Variants in GARRE1 observed in about 807,000 individuals in gnomAD.
GARRE1 encodes the protein granule associated Rac and RHOG effector 1.
Under a neutral mutation model 103.2 loss-of-function variants are expected in GARRE1, and 49 were observed. The observed-to-expected ratio is 0.47, with a 90% CI of 0.38 to 0.60. The LOEUF is 0.60. Among genes scored for constraint, GARRE1 ranks in the 20% least tolerant of loss-of-function variants. The pLI is 0.00. For synonymous variants in GARRE1, 505 were observed against 532.8 expected (o/e 0.95, Z 0.72); for missense variants, 1,199 against 1,370.5 (o/e 0.87, Z 1.98).
chr19:34,267,325 A>C (rs2073758547), intron 1 of GARRE1, among the ~76,000 whole-genome samples: 1 of 152,168 alleles, frequency 6.6e-6, no homozygotes. Flanking sequence ...CAGCCTCCCA[A>C]GTAGCTGGGA....
chr19:34,349,190 G>C lies in GARRE1; in HGVS notation c.2825+37G>C, dbSNP rs1433558898. 3 of 1,605,980 alleles carry C rather than the reference G, an allele frequency of 1.9e-6. No individual in the cohort carries two copies. In the East Asian group the frequency reaches 6.7e-5, roughly 36 times the overall value. ...TTTCTAAACCAAGGTGGGGAGAGAAGGGCATGTGAATGCAACCCATGGCTC... is the reference window on the plus strand; with the variant it reads ...TTTCTAAACCAAGGTGGGGAGAGAACGGCATGTGAATGCAACCCATGGCTC... On this transcript the variant is annotated intron_variant, in intron 12 of 13. Coordinates refer to ENST00000299505, the MANE Select transcript of GARRE1 (RefSeq NM_014686.5).
At chr19:34,330,473 T>A (rs1266239508) in intron 7 of GARRE1, 126 bp downstream of exon 7, 3 of 940,882 alleles carry the variant, frequency 3.2e-6, no homozygotes, top group East Asian at 2.7e-5. Flanking sequence ...CTGTGGAATT[T>A]AGACCAGGCA....
At chr19:34,345,574 C>T (rs1599782861) in intron 10 of GARRE1, among the ~76,000 whole-genome samples, 1 of 152,196 alleles carries the variant, frequency 6.6e-6, no homozygotes, top group African/African-American at 2.4e-5. Flanking sequence ...AGTCTCAGCA[C>T]TTTGAGAGGC....
At chr19:34,295,720 G>A (rs1377837651) in intron 1 of GARRE1, among the ~76,000 whole-genome samples, 1 of 152,000 alleles carries the variant, frequency 6.6e-6, no homozygotes. Flanking sequence ...TTGTAGAGAT[G>A]GGGTCTTGCT....
chr19:34,325,327 TC>T (rs1282369664), intron 3 of GARRE1, among the ~76,000 whole-genome samples: 2 of 152,146 alleles, frequency 1.3e-5, no homozygotes, highest in Non-Finnish European at 2.9e-5. Flanking sequence ...GCAGCCCACT[TC>T]CTGTGGGCTT....
At position 34,341,987 on chromosome 19, in the gene GARRE1, G is replaced by A; in HGVS notation, c.2053G>A (p.Gly685Arg). Residue 685 changes from glycine (G) to arginine (R), a missense_variant, in exon 10 of 14, where the codon GGA becomes AGA. Transcript: ENST00000299505. ...AGCCATGGTGACTGAGCAGAAGGCA[G>A]GAGCCATGCAACCACAGCAGCCGTC... ...ATAMVTEQKA[G>R]AMQPQQPSLP... 1 of 1,614,190 alleles carries A rather than the reference G, an allele frequency of 6.2e-7. No homozygotes were observed. The highest frequency in any genetic ancestry group is 1.1e-5 in the South Asian group (1 of 91,078).
chr19:34,342,002 C>A lies in GARRE1; in HGVS notation c.2068C>A (p.Gln690Lys). 1 of 1,614,134 alleles carries A rather than the reference C, an allele frequency of 6.2e-7. No individual in the cohort carries two copies. The highest frequency in any genetic ancestry group is 8.5e-7 in the Non-Finnish European group (1 of 1,180,012). Residue 690 changes from glutamine (Q) to lysine (K), a missense_variant, in exon 10 of 14, where the codon CAG becomes AAG. Coordinates refer to ENST00000299505, the MANE Select transcript of GARRE1 (RefSeq NM_014686.5). Reference sequence around the variant, plus strand: ...GCAGAAGGCAGGAGCCATGCAACCACAGCAGCCGTCACTGCCTGTGCCCCC... The same window carrying A: ...GCAGAAGGCAGGAGCCATGCAACCAAAGCAGCCGTCACTGCCTGTGCCCCC... The part of the protein sequence containing the change: ...TEQKAGAMQP[Q>K]QPSLPVPPPP...
chr19:34,315,461 C>T (rs1426926829), intron 2 of GARRE1, among the ~76,000 whole-genome samples: 5 of 152,096 alleles, frequency 3.3e-5, no homozygotes, highest in Non-Finnish European at 5.9e-5. Context: ...CCTGTAATCC[C>T]AGCACTTTGG....
chr19:34,287,952 C>CACAAT (rs2073896681), intron 1 of GARRE1, among the ~76,000 whole-genome samples: 1 of 152,166 alleles, frequency 6.6e-6, no homozygotes, highest in South Asian at 2.1e-4. Context: ...CAGGTGCACC[C>CACAAT]TTAGTTGTGG....
chr19:34,309,925 G>A (rs1373060010), intron 2 of GARRE1, among the ~76,000 whole-genome samples: 1 of 152,142 alleles, frequency 6.6e-6, no homozygotes, highest in Admixed American at 6.5e-5. Context: ...GAGAGTAAAA[G>A]TGAATCAAAG....
intron 8 of GARRE1, among the ~76,000 whole-genome samples, chr19:34,339,605 G>A (rs974795302): frequency 2.0e-5 from 3 of 152,180 alleles, no homozygotes; most frequent in African/African-American, 4.8e-5. Flanking sequence ...AAGGGTTTTA[G>A]GAGCTCTGTA....
At chr19:34,290,059 A>G (rs1404842527) in intron 1 of GARRE1, among the ~76,000 whole-genome samples, 1 of 152,042 alleles carries the variant, frequency 6.6e-6, no homozygotes, top group Non-Finnish European at 1.5e-5. Context: ...AAAATATCCT[A>G]AGTTGAAAAT....
At chr19:34,260,144 C>G (rs1368351603) in intron 1 of GARRE1, among the ~76,000 whole-genome samples, 2 of 152,212 alleles carry the variant, frequency 1.3e-5, no homozygotes, top group South Asian at 2.1e-4. Context: ...ACCTTTAGCA[C>G]CCACACTCTG....
intron 1 of GARRE1, among the ~76,000 whole-genome samples, chr19:34,288,312 T>C (rs529756451): frequency 6.6e-6 from 1 of 152,328 alleles, no homozygotes; most frequent in African/African-American, 2.4e-5. Flanking sequence ...GACTAAAGTT[T>C]CCTTTCCTCA....
At chr19:34,301,031 T>G in intron 2 of GARRE1, 63 bp downstream of exon 2, 1 of 1,496,734 alleles carries the variant, frequency 6.7e-7, no homozygotes, top group Non-Finnish European at 8.9e-7. Context: ...GTGAGAATAT[T>G]GTCTTAAGTT....
Position 34,340,040 on chromosome 19 carries a change from CTAT to C in GARRE1, c.1487+49_1487+51del, listed in dbSNP as rs765409620. 30 of 1,603,672 alleles carry C rather than the reference CTAT, an allele frequency of 1.9e-5. 1 individual carries two copies. In the South Asian group the frequency reaches 2.4e-4, roughly 13 times the overall value. Reference sequence around the variant, plus strand: ...AGATGCATACCGAGGGACAGTGTGACTATGCACAGTTTCATGTGTGCTTGTGTC... The same window carrying C: ...AGATGCATACCGAGGGACAGTGTGACGCACAGTTTCATGTGTGCTTGTGTC... On this transcript the variant is annotated intron_variant, in intron 9 of 13. Transcript: ENST00000299505.
rs187728680 is a variant in GARRE1 at position 34,314,565 on chromosome 19, T to C, written c.496-5342T>C. Among the ~76,000 whole-genome samples, 4 of 152,344 alleles carry C rather than the reference T, an allele frequency of 2.6e-5. No homozygotes were observed. The East Asian group carries it at 5.8e-4, about 22-fold the overall frequency. On this transcript the variant is annotated intron_variant, in intron 2 of 13. Coordinates refer to ENST00000299505, the MANE Select transcript of GARRE1 (RefSeq NM_014686.5). ...AGCTCAGAAACTGCCTGTGCTGTTA[T>C]TTTCACCAGCAGTGAAGCAGCGTGT...
At chr19:34,269,250 C>T (rs1375880887) in intron 1 of GARRE1, among the ~76,000 whole-genome samples, 1 of 152,194 alleles carries the variant, frequency 6.6e-6, no homozygotes, top group Non-Finnish European at 1.5e-5. Context: ...TGGATCACCA[C>T]GTGGAAGCAG....
At chr19:34,268,643 A>C (rs972703804) in intron 1 of GARRE1, among the ~76,000 whole-genome samples, 3 of 150,856 alleles carry the variant, frequency 2.0e-5, no homozygotes, top group Non-Finnish European at 4.4e-5. Flanking sequence ...TTTTTTTTTC[A>C]TTAAATGTTC....
Sources: allele counts gnomAD v4.1 joint callset (sites outside exome capture counted in the v4.1 genomes callset), GRCh38; gene constraint gnomAD v4.1.1; transcripts MANE v1.5; gene names NCBI Gene and HGNC (gene_info 2026-07-23, HGNC 2026-07-21).